The following SPMIP7 variants were observed in gnomAD, a reference collection of about 807,000 sequenced individuals.
SPMIP7 encodes sperm microtubule inner protein 7, also known as protein SPMIP7.
chr7:50,145,618 G>GTATATATA, the SPMIP7 span, among the ~76,000 whole-genome samples: 174 of 27,612 alleles, frequency 6.3e-3, 2 homozygotes, highest in African/African-American at 0.013. Flanking sequence ...ATATGTGTGT[G>GTATATATA]TATATATATA....
the SPMIP7 span, among the ~76,000 whole-genome samples, chr7:50,157,421 G>A: frequency 2.6e-5 from 4 of 152,096 alleles, no homozygotes; most frequent in Admixed American, 6.6e-5. Context: ...CATTTCCACC[G>A]CAGTCCAGTG....
the SPMIP7 span, chr7:50,134,170 C>A: frequency 1.9e-6 from 3 of 1,550,732 alleles, no homozygotes; most frequent in South Asian, 3.6e-5. Context: ...GAAGAAACAA[C>A]ATTGGAAAAA....
At chr7:50,149,947 G>T in the SPMIP7 span, among the ~76,000 whole-genome samples, 3 of 152,182 alleles carry the variant, frequency 2.0e-5, no homozygotes, top group Middle Eastern at 3.4e-3. Flanking sequence ...AGGCTAGAAG[G>T]CTCCAAAAGA....
At chr7:50,134,385 T>C in the SPMIP7 span, 391,380 of 502,942 alleles carry the variant, frequency 0.78, 149,424 homozygotes, top group East Asian at 0.87. Context: ...TAAATATATA[T>C]ACACACACAC....
chr7:50,104,168 A>C, the SPMIP7 span: 3 of 411,986 alleles, frequency 7.3e-6, no homozygotes, highest in Non-Finnish European at 1.4e-5. Context: ...TCTCACAGCT[A>C]AAAGATCCAG....
chr7:50,115,142 T>A, the SPMIP7 span, among the ~76,000 whole-genome samples: 1 of 152,020 alleles, frequency 6.6e-6, no homozygotes, highest in African/African-American at 2.4e-5. Context: ...ATTCAAAAAC[T>A]AGTCAAATTA....
At chr7:50,140,192 T>C in the SPMIP7 span, 1 of 1,469,168 alleles carries the variant, frequency 6.8e-7, no homozygotes, top group Admixed American at 2.8e-5. Flanking sequence ...GTAAGTAATG[T>C]TTCTCAGTCT....
chr7:50,104,515 C>T, the SPMIP7 span: 1 of 335,710 alleles, frequency 3.0e-6, no homozygotes. Context: ...ATATTGTATG[C>T]CTTAGATGAA....
the SPMIP7 span, among the ~76,000 whole-genome samples, chr7:50,139,517 A>G: frequency 6.6e-6 from 1 of 152,176 alleles, no homozygotes; most frequent in Non-Finnish European, 1.5e-5. Flanking sequence ...TAATTTACAT[A>G]TCATGTGGTA....
the SPMIP7 span, among the ~76,000 whole-genome samples, chr7:50,102,595 C>T: frequency 6.6e-6 from 1 of 152,138 alleles, no homozygotes; most frequent in African/African-American, 2.4e-5. Flanking sequence ...CTTCTAAAGC[C>T]ACAGACTATC....
chr7:50,099,044 A>T, the SPMIP7 span, among the ~76,000 whole-genome samples: 1 of 152,154 alleles, frequency 6.6e-6, no homozygotes, highest in African/African-American at 2.4e-5. Flanking sequence ...ATCTTCTGTT[A>T]TCTATGATTT....
the SPMIP7 span, among the ~76,000 whole-genome samples, chr7:50,104,843 C>A: frequency 6.6e-6 from 1 of 152,200 alleles, no homozygotes. Flanking sequence ...CAGCTGCATT[C>A]TCACTAGCTT....
the SPMIP7 span, among the ~76,000 whole-genome samples, chr7:50,115,698 G>C: frequency 1.3e-5 from 2 of 152,074 alleles, no homozygotes; most frequent in African/African-American, 4.8e-5. Flanking sequence ...GGTTTATTCA[G>C]GTATGTAAGT....
chr7:50,159,208 G>C, the SPMIP7 span: 2 of 1,542,712 alleles, frequency 1.3e-6, no homozygotes, highest in Non-Finnish European at 1.7e-6. Context: ...GCCTCCGCCT[G>C]GGGAAGGCTT....
chr7:50,141,221 T>C, the SPMIP7 span: 2 of 1,151,726 alleles, frequency 1.7e-6, no homozygotes, highest in Non-Finnish European at 2.5e-6. Flanking sequence ...TACTGTTCAA[T>C]GGTTTCTTCT....
the SPMIP7 span, among the ~76,000 whole-genome samples, chr7:50,122,261 G>A: frequency 7.2e-5 from 11 of 151,878 alleles, no homozygotes; most frequent in South Asian, 2.1e-4. Flanking sequence ...AAATAACGCC[G>A]CATATCTACA....
At chr7:50,131,236 A>T in the SPMIP7 span, among the ~76,000 whole-genome samples, 1 of 152,196 alleles carries the variant, frequency 6.6e-6, no homozygotes. Flanking sequence ...ATGTAGAGCC[A>T]ACACAATTTT....
the SPMIP7 span, chr7:50,095,995 T>C: frequency 2.4e-6 from 2 of 837,038 alleles, no homozygotes; most frequent in East Asian, 2.8e-5. Flanking sequence ...AACACAGATC[T>C]TTAGTTATTG....
the SPMIP7 span, among the ~76,000 whole-genome samples, chr7:50,136,365 T>A: frequency 6.6e-6 from 1 of 152,124 alleles, no homozygotes; most frequent in African/African-American, 2.4e-5. Context: ...CTGCTTCCTT[T>A]ACTTTCTCTT....
Sources: allele counts gnomAD v4.1 joint callset (sites outside exome capture counted in the v4.1 genomes callset), GRCh38; gene constraint gnomAD v4.1.1; transcripts MANE v1.5; gene names NCBI Gene and HGNC (gene_info 2026-07-23, HGNC 2026-07-21).